The following RPH3AL variants were observed in gnomAD, a reference collection of about 807,000 sequenced individuals.
RPH3AL encodes rabphilin 3A like (without C2 domains), also known as rab effector Noc2.
RPH3AL carries 38 observed loss-of-function variants against 43.1 expected under a neutral mutation model. The observed-to-expected ratio is 0.88, with a 90% confidence interval of 0.68 to 1.15. RPH3AL has a LOEUF of 1.15. RPH3AL is among the 50% of genes most tolerant of loss of function. RPH3AL has a pLI of 0.00. For missense variants in RPH3AL, 462 were observed against 423.2 expected, an observed-to-expected ratio of 1.09 and a Z score of -0.81; for synonymous variants, 189 against 176.3, an observed-to-expected ratio of 1.07 and a Z score of -0.57.
intron 5 of RPH3AL, among the ~76,000 whole-genome samples, chr17:284,583 C>T (rs1405399747): frequency 6.6e-6 from 1 of 152,114 alleles, no homozygotes; most frequent in Non-Finnish European, 1.5e-5. Flanking sequence ...GCCCTCCATG[C>T]TCTCCCAGTG....
At chr17:220,254 G>C (rs1427966367) in intron 7 of RPH3AL, among the ~76,000 whole-genome samples, 1 of 150,352 alleles carries the variant, frequency 6.7e-6, no homozygotes, top group African/African-American at 2.4e-5. Flanking sequence ...TCCACTCACT[G>C]AGACAATAGA....
chr17:249,387 T>C (rs1048269026), intron 6 of RPH3AL, among the ~76,000 whole-genome samples: 2 of 152,014 alleles, frequency 1.3e-5, no homozygotes, highest in Admixed American at 6.6e-5. Context: ...GCAGGGCTTA[T>C]CTCACCGGGA....
chr17:281,892 C>A, intron 5 of RPH3AL, 38 bp from the exon 6 acceptor site: 2 of 1,514,228 alleles, frequency 1.3e-6, no homozygotes, highest in Non-Finnish European at 1.8e-6. Flanking sequence ...AAGATTGCAG[C>A]CGCTTCCTCC....
intron 7 of RPH3AL, among the ~76,000 whole-genome samples, chr17:222,900 C>G (rs1395298899): frequency 6.6e-6 from 1 of 152,212 alleles, no homozygotes; most frequent in Non-Finnish European, 1.5e-5. Flanking sequence ...TCCATCAATA[C>G]TTTCCAGGGC....
At position 246,828 on chromosome 17, in the gene RPH3AL, C is replaced by T. The variant is rs889374610; in HGVS notation, c.613+283G>A. 1.3e-5 allele frequency among the ~76,000 whole-genome samples: 2 copies of T among 152,244 alleles called. No homozygotes were observed. The highest frequency in any genetic ancestry group is 4.8e-5 in the African/African-American group (2 of 41,464). ...CCCATTTCTGTGAAGATGCGTAGTG[C>T]TGCTCATGGCATCCTTGCCCCCAGA... is the stretch of plus-strand genomic sequence containing the variant. On this transcript the variant is annotated intron_variant, in intron 7 of 9. Transcript: ENST00000331302. The surrounding 1 kb of genome is among the most constrained non-coding windows in gnomAD (Gnocchi z 4.8).
chr17:249,336 T>C (rs1450433049), intron 6 of RPH3AL, among the ~76,000 whole-genome samples: 1 of 152,020 alleles, frequency 6.6e-6, no homozygotes, highest in East Asian at 1.9e-4. Flanking sequence ...CACGCTGACC[T>C]CCCTGGCCCT....
intron 6 of RPH3AL, among the ~76,000 whole-genome samples, chr17:280,626 T>C (rs2042757587): frequency 6.6e-6 from 1 of 152,010 alleles, no homozygotes; most frequent in African/African-American, 2.4e-5. Flanking sequence ...TTCCAAAACT[T>C]CCAAGGAAAA....
At chr17:261,446 G>A (rs781836150) in intron 6 of RPH3AL, among the ~76,000 whole-genome samples, 2 of 152,196 alleles carry the variant, frequency 1.3e-5, no homozygotes, top group African/African-American at 2.4e-5. Context: ...CCAGGGATCT[G>A]GATCAGCCAG....
At chr17:330,737 G>A (rs905390862) in intron 2 of RPH3AL, among the ~76,000 whole-genome samples, 14 of 152,206 alleles carry the variant, frequency 9.2e-5, no homozygotes, top group East Asian at 5.8e-4. Flanking sequence ...TTAGCCAGGC[G>A]TGATGGCGCG....
rs1040181066 is a variant in RPH3AL, at chr17:314,546, C to T, written c.351+4874G>A. 4.7e-4 allele frequency among the ~76,000 whole-genome samples: 69 copies of T among 146,626 alleles called. 1 individual carries two copies. Among genetic ancestry groups the T allele is most frequent in the Non-Finnish European group, 8.8e-4 (59 of 66,692 alleles). ...TCCCTGTGACTCCACCTCCATTGAC[C>T]TGTAGTCTCTGTGCCCCACCTCCAC... On this transcript the variant is annotated intron_variant, in intron 5 of 9. Transcript: ENST00000331302.
In RPH3AL at chr17:252,624, T is replaced by C. The variant is rs2041935568; in HGVS notation, c.439-5339A>G. Among the ~76,000 whole-genome samples, 3 of 152,202 alleles carry C rather than the reference T, an allele frequency of 2.0e-5. No homozygotes were observed. The South Asian group carries it at 6.2e-4, about 32-fold the overall frequency. ...AATCCAGCACCTCACCGAGGGACAT[T>C]TGTTTCCAATCCTCGTCCTCACGGG... On this transcript the variant is annotated intron_variant, in intron 6 of 9. Coordinates refer to ENST00000331302, the MANE Select transcript of RPH3AL (RefSeq NM_006987.4).
At position 215,846 on chromosome 17, in the gene RPH3AL, C is replaced by T. The variant is rs187292742; in HGVS notation, c.728-44G>A. The T allele has an allele frequency of 1.5e-5, 19 of 1,298,270 alleles. No homozygotes were observed. Among genetic ancestry groups the T allele is most frequent in the Middle Eastern group, 3.0e-4 (1 of 3,384 alleles). 80.4% of individuals were successfully genotyped at this position (1,298,270 alleles called of 1,614,324 possible). A position where few individuals can be genotyped will look rare whatever the true frequency, so the allele number is the denominator to read the frequency against. On this transcript the variant is annotated intron_variant, in intron 8 of 9. Coordinates refer to ENST00000331302, the MANE Select transcript of RPH3AL (RefSeq NM_006987.4). This position sits in a 1 kb window ranked among gnomAD's most constrained non-coding sequence, Gnocchi z 4.1. ...GGGCCCCGTGGATCTCAAACCGAGA[C>T]GGGGTGATCTCAGTCCAGTTCCTCG...
chr17:215,841 C>T lies in RPH3AL; in HGVS notation c.728-39G>A, dbSNP rs7207457. 0.37 allele frequency: 472,584 copies of T among 1,292,568 alleles called. 90,618 individuals carry two copies. The highest frequency in any genetic ancestry group is 0.64 in the African/African-American group (41,005 of 64,508). 80.1% of individuals were successfully genotyped at this position (1,292,568 alleles called of 1,614,324 possible). ...CGTGTGGGCCCCGTGGATCTCAAAC[C>T]GAGACGGGGTGATCTCAGTCCAGTT... On this transcript the variant is annotated intron_variant, in intron 8 of 9. Transcript: ENST00000331302. This position sits in a 1 kb window ranked among gnomAD's most constrained non-coding sequence, Gnocchi z 4.1.
chr17:279,010 G>A (rs976561618), intron 6 of RPH3AL, among the ~76,000 whole-genome samples: 4 of 152,152 alleles, frequency 2.6e-5, no homozygotes, highest in Admixed American at 6.5e-5. Flanking sequence ...GAGGCCTTGG[G>A]CAGAATGCTC....
intron 5 of RPH3AL, among the ~76,000 whole-genome samples, chr17:298,238 G>A (rs1426693038): frequency 1.3e-5 from 2 of 152,200 alleles, no homozygotes; most frequent in Non-Finnish European, 2.9e-5. Context: ...CCAGCTCAGT[G>A]TGGGGTGCTG....
rs557154789 is a variant in RPH3AL at position 292,212 on chromosome 17, C to T, written c.352-10358G>A. ...CGGCCCCTCCGATCATAAGCTCAGC[C>T]CTGCTCAGCCCCTGAAGTGCCATCC... On this transcript the variant is annotated intron_variant, in intron 5 of 9. Coordinates refer to ENST00000331302, the MANE Select transcript of RPH3AL (RefSeq NM_006987.4). Among the ~76,000 whole-genome samples the T allele has an allele frequency of 1.9e-3, 289 of 152,310 alleles. 3 individuals carry two copies. The highest frequency in any genetic ancestry group is 6.5e-3 in the African/African-American group (272 of 41,586).
At position 288,779 on chromosome 17, in the gene RPH3AL, TCG is replaced by T; in HGVS notation, c.352-6927_352-6926del. Among the ~76,000 whole-genome samples the T allele has an allele frequency of 6.3e-4, 10 of 15,982 alleles. 5 individuals carry two copies. The highest frequency in any genetic ancestry group is 4.7e-3 in the Admixed American group (8 of 1,710). The allele number at this position is 15,982 out of a possible 152,430, so 10.5% of individuals were successfully genotyped here. A position where few individuals can be genotyped will look rare whatever the true frequency, so the allele number is the denominator to read the frequency against. The stretch of plus-strand genomic sequence containing the variant: ...CGCACCCTCTCTCCACCGTCAGACC[TCG>T]CACCCTCTCTCCACCGTCAGACCTC... On this transcript the variant is annotated intron_variant, in intron 5 of 9. Coordinates refer to ENST00000331302, the MANE Select transcript of RPH3AL (RefSeq NM_006987.4).
At chr17:293,891 C>T (rs6565708) in intron 5 of RPH3AL, among the ~76,000 whole-genome samples, 136,048 of 152,084 alleles carry the variant, frequency 0.89, 60,932 homozygotes, top group East Asian at 0.98. Flanking sequence ...TAGCCGGGCG[C>T]GGTGGTACTC....
At chr17:259,797 C>T (rs782529605) in intron 6 of RPH3AL, among the ~76,000 whole-genome samples, 1 of 152,258 alleles carries the variant, frequency 6.6e-6, no homozygotes, top group African/African-American at 2.4e-5. Flanking sequence ...GTTTGCATTA[C>T]GGTTTCAGCT....
Sources: gnomAD v4.1 joint callset for allele counts (sites outside exome capture counted in the v4.1 genomes callset) on GRCh38, gnomAD v4.1.1 for gene constraint, Gnocchi (gnomAD v3.1) non-coding constraint, MANE v1.5 for transcripts, NCBI Gene and HGNC (gene_info 2026-07-23, HGNC 2026-07-21) for gene names.